The following GNAI3 variants were observed in gnomAD, a reference collection of about 807,000 sequenced individuals.
GNAI3 encodes guanine nucleotide-binding protein G(i) subunit alpha-3.
GNAI3 carries 12 observed loss-of-function variants against 41.8 expected under a neutral mutation model. The ratio of observed to expected loss-of-function variants is 0.29; its 90% confidence interval spans 0.18 to 0.47. The LOEUF (loss-of-function observed/expected upper bound fraction) is 0.47, where lower values mean the gene tolerates loss of function less well. Among genes scored for constraint, GNAI3 ranks in the 20% least tolerant of loss-of-function variants. GNAI3 has a pLI of 1.00. For synonymous variants in GNAI3, 132 were observed against 146.5 expected (o/e 0.90, Z 0.71); for missense variants, 360 against 429.6 (o/e 0.84, Z 1.43).
chr1:109,560,364 GATA>G (rs1648276805), intron 1 of GNAI3, among the ~76,000 whole-genome samples: 1 of 152,076 alleles, frequency 6.6e-6, no homozygotes, highest in African/African-American at 2.4e-5. Context: ...TCATAATAAT[GATA>G]ATTATTATTT....
chr1:109,565,094 C>A (rs1264685653), intron 1 of GNAI3, among the ~76,000 whole-genome samples: 1 of 151,856 alleles, frequency 6.6e-6, no homozygotes, highest in Admixed American at 6.6e-5. Context: ...AACCCCGTCT[C>A]TACTAAAACT....
In GNAI3 at chr1:109,579,351, T is replaced by G; in HGVS notation, c.451T>G (p.Ser151Ala). The G allele has an allele frequency of 1.9e-6, 3 of 1,612,080 alleles. No homozygotes were observed. The highest frequency in any genetic ancestry group is 1.7e-6 in the Non-Finnish European group (2 of 1,178,608). ...ATCCAGGGAATATCAGCTCAATGAT[T>G]CTGCTTCATAGTAAGTAATTTTTCT... ...SRSREYQLND[S>A]ASYYLNDLDR... Residue 151 changes from serine (S) to alanine (A), a missense_variant, in exon 4 of 9, where the codon TCT becomes GCT. By Grantham distance (99) the Ser-to-Ala change is moderately conservative. Coordinates refer to ENST00000369851, the MANE Select transcript of GNAI3 (RefSeq NM_006496.4).
intron 4 of GNAI3, among the ~76,000 whole-genome samples, chr1:109,579,878 A>G (rs1483739412): frequency 6.6e-6 from 1 of 152,228 alleles, no homozygotes; most frequent in Non-Finnish European, 1.5e-5. Flanking sequence ...CTTTTTGTCA[A>G]GGATATTATC....
intron 1 of GNAI3, among the ~76,000 whole-genome samples, chr1:109,563,211 G>A (rs1234850482): frequency 1.3e-5 from 2 of 152,070 alleles, no homozygotes; most frequent in African/African-American, 2.4e-5. Context: ...GTGAAACTCC[G>A]TCTCTACTAA....
rs1313918346 is a variant in GNAI3 at position 109,592,742 on chromosome 1, G to T, written c.*420G>T. On this transcript the variant is annotated 3_prime_UTR_variant, in exon 9 of 9. Coordinates refer to ENST00000369851, the MANE Select transcript of GNAI3 (RefSeq NM_006496.4). ...AAATTTTATTTCTTTATTTGCAAAA[G>T]AATCTTTATTAAAACAAACAATCTT... The T allele has an allele frequency of 3.3e-5, 5 of 153,016 alleles. No homozygotes were observed. The highest frequency in any genetic ancestry group is 6.5e-5 in the Admixed American group (1 of 15,340). The allele number at this position is 153,016 out of a possible 1,614,324, so 9.5% of individuals were successfully genotyped here.
At chr1:109,553,275 A>G (rs577953) in intron 1 of GNAI3, among the ~76,000 whole-genome samples, 130,354 of 151,982 alleles carry the variant, frequency 0.86, 56,236 homozygotes, top group East Asian at 1. Context: ...AGTTTTGTAA[A>G]TTATTGAATT....
Position 109,579,212 on chromosome 1 carries a change from C to T in GNAI3, c.312C>T (p.Ala104=). The part of the protein sequence containing the change: ...DFGEAARADD[A]RQLFVLAGSA... ...TTAACTGCTTTCTTCAGGATGATGC[C>T]CGGCAATTATTTGTTTTAGCTGGCA... Residue 104 remains alanine (A), a synonymous_variant, in exon 4 of 9, where the codon GCC becomes GCT. Coordinates refer to ENST00000369851, the MANE Select transcript of GNAI3 (RefSeq NM_006496.4). 4 of 1,610,822 alleles carry T rather than the reference C, an allele frequency of 2.5e-6. No individual in the cohort carries two copies. Among genetic ancestry groups the T allele is most frequent in the Non-Finnish European group, 3.4e-6 (4 of 1,178,220 alleles).
rs1647986376 is a variant in GNAI3 at position 109,551,726 on chromosome 1, T to C, written c.118+2888T>C. Reference sequence around the variant, plus strand: ...GCTCCATGAAGATTAGCTATTCTTATTAAGTCAAAATGAATGTTACAGATT... The same window carrying C: ...GCTCCATGAAGATTAGCTATTCTTACTAAGTCAAAATGAATGTTACAGATT... On this transcript the variant is annotated intron_variant, in intron 1 of 8. Coordinates refer to ENST00000369851, the MANE Select transcript of GNAI3 (RefSeq NM_006496.4). Among the ~76,000 whole-genome samples the C allele has an allele frequency of 2.0e-5, 3 of 152,238 alleles. No homozygotes were observed. The South Asian group carries it at 6.2e-4, about 31-fold the overall frequency.
chr1:109,556,359 G>A (rs942523194), intron 1 of GNAI3, among the ~76,000 whole-genome samples: 5 of 152,044 alleles, frequency 3.3e-5, no homozygotes, highest in African/African-American at 7.2e-5. Context: ...CTTAAAAGTC[G>A]CTCATCTGTA....
chr1:109,566,186 G>C (rs1163679943), intron 1 of GNAI3, among the ~76,000 whole-genome samples: 1 of 152,202 alleles, frequency 6.6e-6, no homozygotes, highest in Non-Finnish European at 1.5e-5. Context: ...GCAAGGAGTT[G>C]AAGTCTGAGT....
intron 1 of GNAI3, among the ~76,000 whole-genome samples, chr1:109,556,734 CCT>C (rs1648164752): frequency 6.6e-6 from 1 of 152,146 alleles, no homozygotes; most frequent in Admixed American, 6.5e-5. Context: ...GTTTTTAACT[CCT>C]CTGTTACTCT....
chr1:109,552,023 G>A (rs1028146061), intron 1 of GNAI3, among the ~76,000 whole-genome samples: 8 of 152,114 alleles, frequency 5.3e-5, no homozygotes, highest in Non-Finnish European at 1.0e-4. Flanking sequence ...TTAGCCGGGC[G>A]TGGTGGTGTG....
At chr1:109,565,220 G>A (rs1648419023) in intron 1 of GNAI3, among the ~76,000 whole-genome samples, 1 of 149,800 alleles carries the variant, frequency 6.7e-6, no homozygotes, top group Non-Finnish European at 1.5e-5. Flanking sequence ...CTGAGATTGT[G>A]CCACTGGGTG....
chr1:109,574,084 C>A, intron 3 of GNAI3, 47 bp downstream of exon 3: 2 of 1,498,384 alleles, frequency 1.3e-6, no homozygotes, highest in South Asian at 1.2e-5. Context: ...TCAGCAGATA[C>A]AGTTAAGTTA....
rs1649321996 is a variant in GNAI3, at chr1:109,596,821, G to T, written c.*4499G>T. ...TAAACCCTAGTAAATTAAAATGTCT[G>T]AGCCAGGTCATGGGAATATACATGT... On this transcript the variant is annotated 3_prime_UTR_variant, in exon 9 of 9. Coordinates refer to ENST00000369851, the MANE Select transcript of GNAI3 (RefSeq NM_006496.4). 1 of 152,210 alleles carries T rather than the reference G, an allele frequency of 6.6e-6. No individual in the cohort carries two copies. The highest frequency in any genetic ancestry group is 1.5e-5 in the Non-Finnish European group (1 of 68,044). The allele number at this position is 152,210 out of a possible 1,614,324, so 9.4% of individuals were successfully genotyped here.
chr1:109,557,059 C>T (rs570377048), intron 1 of GNAI3, among the ~76,000 whole-genome samples: 1 of 152,292 alleles, frequency 6.6e-6, no homozygotes, highest in African/African-American at 2.4e-5. Context: ...CCTCAGCCTT[C>T]TGCGTAGCTG....
intron 7 of GNAI3, among the ~76,000 whole-genome samples, chr1:109,588,245 G>C (rs917985524): frequency 1.3e-5 from 2 of 152,032 alleles, no homozygotes; most frequent in Non-Finnish European, 2.9e-5. Flanking sequence ...AGTTGGGCTT[G>C]GTGGCAGGCA....
chr1:109,582,949 GGTTA>G (rs1459521904), intron 5 of GNAI3, among the ~76,000 whole-genome samples: 5 of 151,484 alleles, frequency 3.3e-5, no homozygotes, highest in East Asian at 1.9e-4. Flanking sequence ...GTTTTTTTTC[GGTTA>G]GTTACATGGT....
intron 1 of GNAI3, among the ~76,000 whole-genome samples, chr1:109,570,520 AAC>A (rs1020814333): frequency 6.6e-5 from 10 of 152,234 alleles, no homozygotes; most frequent in South Asian, 4.1e-4. Context: ...GAAAAAATAT[AAC>A]ACAGAATAAG....
Sources: allele counts gnomAD v4.1 joint callset (sites outside exome capture counted in the v4.1 genomes callset), GRCh38; gene constraint gnomAD v4.1.1; transcripts MANE v1.5; gene names NCBI Gene and HGNC (gene_info 2026-07-23, HGNC 2026-07-21).